Variants in CAPN2 observed in about 807,000 individuals in gnomAD.
CAPN2 encodes calpain 2, also known as calpain-2 catalytic subunit.
CAPN2 carries 92 observed loss-of-function variants against 102.3 expected under a neutral mutation model. That is an observed-to-expected ratio of 0.90 (90% CI 0.76 to 1.07). The LOEUF (loss-of-function observed/expected upper bound fraction) is 1.07, where lower values mean the gene tolerates loss of function less well. Among genes scored for constraint, CAPN2 ranks in the 50% least tolerant of loss-of-function variants. The probability of loss-of-function intolerance (pLI) is 0.00; values close to 1 mark genes in which losing one functional copy is unlikely to be tolerated. For synonymous variants in CAPN2, 340 were observed against 355.4 expected, an observed-to-expected ratio of 0.96 and a Z score of 0.49; for missense variants, 800 against 909.4, an observed-to-expected ratio of 0.88 and a Z score of 1.55.
intron 6 of CAPN2, 26 bp downstream of exon 6, chr1:223,749,148 G>T (rs772648739): frequency 6.3e-7 from 1 of 1,597,344 alleles, no homozygotes; most frequent in Non-Finnish European, 8.6e-7. Context: ...GATGTGCAGG[G>T]GTCCTGCTGT....
In CAPN2 at chr1:223,759,609, C is replaced by A; in HGVS notation, c.1529+128C>A. On this transcript the variant is annotated intron_variant, in intron 12 of 20. Transcript: ENST00000295006. The surrounding 1 kb of genome is among the most constrained non-coding windows in gnomAD (Gnocchi z 4.6). ...CTTTTTCTGTAACACCTGCCCACCT[C>A]GAAGGACTAGTGTGGGGATTTGATG... 1.5e-6 allele frequency: 1 copy of A among 687,836 alleles called. No homozygotes were observed. Among genetic ancestry groups the A allele is most frequent in the Non-Finnish European group, 2.5e-6 (1 of 407,482 alleles). The allele number at this position is 687,836 out of a possible 1,614,324, so 42.6% of individuals were successfully genotyped here. A position where few individuals can be genotyped will look rare whatever the true frequency, so the allele number is the denominator to read the frequency against.
chr1:223,765,295 G>C (rs966174935), intron 15 of CAPN2, among the ~76,000 whole-genome samples: 1 of 152,214 alleles, frequency 6.6e-6, no homozygotes, highest in Non-Finnish European at 1.5e-5. Flanking sequence ...CTCCCAGTGT[G>C]AACCAAGAGG....
rs3820474 is a variant in CAPN2 at position 223,759,981 on chromosome 1, C to T, written c.1529+500C>T. The stretch of plus-strand genomic sequence containing the variant: ...CTCTCCCCTTCCTCATGGGATCCCA[C>T]GTTTGGGAACCCTTTGTGGCTGACA... On this transcript the variant is annotated intron_variant, in intron 12 of 20. Coordinates refer to ENST00000295006, the MANE Select transcript of CAPN2 (RefSeq NM_001748.5). The surrounding 1 kb of genome is among the most constrained non-coding windows in gnomAD (Gnocchi z 4.6). 4.3e-3 allele frequency among the ~76,000 whole-genome samples: 648 copies of T among 152,256 alleles called. 29 individuals are homozygous for T. The East Asian group carries it at 0.1, about 24-fold the overall frequency.
chr1:223,759,592 G>GT lies in CAPN2; in HGVS notation c.1529+112dup. 1.2e-6 allele frequency: 1 copy of GT among 802,722 alleles called. No homozygotes were observed. The allele number at this position is 802,722 out of a possible 1,614,324, so 49.7% of individuals were successfully genotyped here. A position where few individuals can be genotyped will look rare whatever the true frequency, so the allele number is the denominator to read the frequency against. On this transcript the variant is annotated intron_variant, in intron 12 of 20. Transcript: ENST00000295006. This position sits in a 1 kb window ranked among gnomAD's most constrained non-coding sequence, Gnocchi z 4.6. Reference sequence around the variant, plus strand: ...CCTCTGAATGTCAGTTACTTTTTCTGTAACACCTGCCCACCTCGAAGGACT... The same window carrying GT: ...CCTCTGAATGTCAGTTACTTTTTCTGTTAACACCTGCCCACCTCGAAGGACT...
At chr1:223,764,916 A>C (rs1313766427) in intron 15 of CAPN2, among the ~76,000 whole-genome samples, 1 of 152,152 alleles carries the variant, frequency 6.6e-6, no homozygotes, top group Non-Finnish European at 1.5e-5. Flanking sequence ...TTTCTTAAGC[A>C]AAAAAATGTC....
intron 2 of CAPN2, among the ~76,000 whole-genome samples, chr1:223,741,440 G>GTA (rs1553254334): frequency 1.2e-4 from 7 of 59,838 alleles, no homozygotes; most frequent in African/African-American, 9.9e-4. Context: ...TATATAATGT[G>GTA]TATATATATA....
At chr1:223,737,586 A>G (rs564045668) in intron 2 of CAPN2, among the ~76,000 whole-genome samples, 13 of 152,066 alleles carry the variant, frequency 8.5e-5, no homozygotes, top group Admixed American at 3.3e-4. Flanking sequence ...TCCTGGGATG[A>G]GAAAGGCAGA....
Position 223,719,833 on chromosome 1 carries a change from C to T in CAPN2, c.307+2002C>T, listed in dbSNP as rs74147522. Among the ~76,000 whole-genome samples, 496 of 125,176 alleles carry T rather than the reference C, an allele frequency of 4.0e-3. 10 individuals are homozygous for T. In the East Asian group the frequency reaches 0.052, roughly 13 times the overall value. 82.1% of individuals were successfully genotyped at this position (125,176 alleles called of 152,430 possible). A position where few individuals can be genotyped will look rare whatever the true frequency, so the allele number is the denominator to read the frequency against. On this transcript the variant is annotated intron_variant, in intron 2 of 20. Coordinates refer to ENST00000295006, the MANE Select transcript of CAPN2 (RefSeq NM_001748.5). ...GTGTGTGTGTGTGTGTGTGTGTGTG[C>T]GCGCGCGCGCGTATAATGCAGTATT...
intron 2 of CAPN2, among the ~76,000 whole-genome samples, chr1:223,729,665 TTC>T (rs1660283729): frequency 6.6e-6 from 1 of 152,154 alleles, no homozygotes; most frequent in African/African-American, 2.4e-5. Context: ...TCAGAGATTT[TTC>T]TGATTGGCAG....
In CAPN2 at chr1:223,712,649, C is replaced by T. The variant is rs932756116; in HGVS notation, c.9C>T (p.Gly3=). The change falls in exon 1 of 21, where the codon GGC becomes GGT. Residue 3 remains glycine (G), a synonymous_variant. Transcript: ENST00000295006. The part of the protein sequence containing the change: MA[G]IAAKLAKDRE... ...GCCGCCGGGACCGCAGCATGGCGGG[C>T]ATCGCGGCCAAGCTGGCGAAGGACC... 3.3e-6 allele frequency: 5 copies of T among 1,529,774 alleles called. No homozygotes were observed. The highest frequency in any genetic ancestry group is 2.6e-6 in the Non-Finnish European group (3 of 1,138,772). The allele number at this position is 1,529,774 out of a possible 1,614,324, so 94.8% of individuals were successfully genotyped here. A position where few individuals can be genotyped will look rare whatever the true frequency, so the allele number is the denominator to read the frequency against.
chr1:223,735,773 G>A (rs142090204), intron 2 of CAPN2, among the ~76,000 whole-genome samples: 174 of 128,830 alleles, frequency 1.4e-3, no homozygotes, highest in African/African-American at 4.2e-3. Context: ...CACCTACTTG[G>A]GACGTTTCTT....
chr1:223,738,605 C>T lies in CAPN2; in HGVS notation c.308-5495C>T, dbSNP rs12022934. Among the ~76,000 whole-genome samples the T allele has an allele frequency of 4.5e-3, 690 of 152,212 alleles. 32 individuals carry two copies. The East Asian group carries it at 0.11, about 23-fold the overall frequency. ...TAAATGGGGTAAATGATTGTCCAAG[C>T]GCCTCCAGGCAGGCTCACGTGCACA... On this transcript the variant is annotated intron_variant, in intron 2 of 20. Coordinates refer to ENST00000295006, the MANE Select transcript of CAPN2 (RefSeq NM_001748.5).
intron 18 of CAPN2, chr1:223,770,974 C>T (rs1661456879): frequency 6.4e-6 from 1 of 156,210 alleles, no homozygotes; most frequent in Non-Finnish European, 1.4e-5. Flanking sequence ...CAGCATGAGG[C>T]TGTTCATTCT....
intron 11 of CAPN2, 127 bp downstream of exon 11, chr1:223,757,507 A>T: frequency 2.0e-6 from 2 of 1,000,856 alleles, no homozygotes; most frequent in Non-Finnish European, 3.2e-6. Context: ...AGTCCTGGCC[A>T]CCCCTGGGGC....
chr1:223,732,352 G>T (rs1012460416), intron 2 of CAPN2, among the ~76,000 whole-genome samples: 1 of 152,194 alleles, frequency 6.6e-6, no homozygotes, highest in Non-Finnish European at 1.5e-5. Context: ...GCTGATGATT[G>T]CCCATTTTTA....
At chr1:223,752,642 G>A (rs921443517) in intron 8 of CAPN2, among the ~76,000 whole-genome samples, 154 bp from the exon 9 acceptor site, 2 of 152,184 alleles carry the variant, frequency 1.3e-5, no homozygotes, top group African/African-American at 4.8e-5. Flanking sequence ...ACTGGAATCT[G>A]GGCCTTCTGA....
In CAPN2 at chr1:223,737,710, GGGGT is replaced by G. The variant is rs1446347261; in HGVS notation, c.308-6386_308-6383del. 4.5e-3 allele frequency among the ~76,000 whole-genome samples: 145 copies of G among 32,024 alleles called. 8 individuals are homozygous for G. Among genetic ancestry groups the G allele is most frequent in the Non-Finnish European group, 0.011 (115 of 10,232 alleles). 21.0% of individuals were successfully genotyped at this position (32,024 alleles called of 152,430 possible). A position where few individuals can be genotyped will look rare whatever the true frequency, so the allele number is the denominator to read the frequency against. ...GGCCTGACCAAAAGAGACGGGGCGG[GGGGT>G]GGGGGGGAGAGAATACAATAACACC... is the stretch of plus-strand genomic sequence containing the variant. On this transcript the variant is annotated intron_variant, in intron 2 of 20. Coordinates refer to ENST00000295006, the MANE Select transcript of CAPN2 (RefSeq NM_001748.5).
At chr1:223,771,673 C>A (rs1661473804) in intron 18 of CAPN2, 136 bp from the exon 19 acceptor site, 2 of 688,942 alleles carry the variant, frequency 2.9e-6, no homozygotes, top group Non-Finnish European at 5.2e-6. Flanking sequence ...TCAAACCAGT[C>A]TCACAGAAGA....
chr1:223,732,237 C>T (rs1053096554), intron 2 of CAPN2, among the ~76,000 whole-genome samples: 1 of 151,898 alleles, frequency 6.6e-6, no homozygotes, highest in Non-Finnish European at 1.5e-5. Flanking sequence ...TCTTGGATCC[C>T]GCTCAAGAAA....
Sources: allele counts gnomAD v4.1 joint callset (sites outside exome capture counted in the v4.1 genomes callset), GRCh38; gene constraint gnomAD v4.1.1; non-coding constraint Gnocchi (gnomAD v3.1); transcripts MANE v1.5; gene names NCBI Gene and HGNC (gene_info 2026-07-23, HGNC 2026-07-21).